CACNA2D1: variants seen among roughly 807,000 people sequenced by gnomAD.
CACNA2D1 encodes voltage-dependent calcium channel subunit alpha-2/delta-1.
A neutral mutation model predicts 171.5 loss-of-function variants in CACNA2D1; 53 were observed. The ratio of observed to expected loss-of-function variants is 0.31; its 90% CI spans 0.25 to 0.39. The LOEUF (loss-of-function observed/expected upper bound fraction) is 0.39, where lower values mean the gene tolerates loss of function less well. Ranked by LOEUF, CACNA2D1 falls within the 10% of genes least tolerant of loss-of-function variation. The probability of loss-of-function intolerance (pLI) is 1.00; values close to 1 mark genes in which losing one functional copy is unlikely to be tolerated. For missense variants in CACNA2D1, 903 were observed against 1,299.8 expected, an observed-to-expected ratio of 0.69 and a Z score of 4.69; for synonymous variants, 442 against 443.1, an observed-to-expected ratio of 1.00 and a Z score of 0.03.
chr7:82,335,033 T>TAAG (rs990549031), intron 3 of CACNA2D1, 102 bp downstream of exon 3: 1 of 803,032 alleles, frequency 1.2e-6, no homozygotes, highest in Non-Finnish European at 2.2e-6. Context: ...ACACAGTTAC[T>TAAG]AAGAAGAAGA....
intron 26 of CACNA2D1, chr7:81,970,962 G>A: frequency 1.9e-6 from 1 of 520,956 alleles, no homozygotes; most frequent in Non-Finnish European, 3.5e-6. Flanking sequence ...TTTGAACATG[G>A]AGTATGAATT....
At chr7:82,314,778 A>G (rs972695437) in intron 3 of CACNA2D1, among the ~76,000 whole-genome samples, 4 of 152,130 alleles carry the variant, frequency 2.6e-5, no homozygotes, top group African/African-American at 9.7e-5. Context: ...ATATTTTAAT[A>G]TGATACAAAA....
At chr7:82,269,018 T>C (rs1489182918) in intron 3 of CACNA2D1, among the ~76,000 whole-genome samples, 3 of 152,190 alleles carry the variant, frequency 2.0e-5, no homozygotes, top group African/African-American at 4.8e-5. Context: ...GCCTCTCTTG[T>C]ATACTCTTTC....
chr7:82,322,921 G>A (rs1816177447), intron 3 of CACNA2D1, among the ~76,000 whole-genome samples: 1 of 152,184 alleles, frequency 6.6e-6, no homozygotes, highest in Non-Finnish European at 1.5e-5. Flanking sequence ...AAGGTTTAGA[G>A]TTTATTTCAT....
At chr7:82,339,934 T>C (rs931569580) in intron 2 of CACNA2D1, among the ~76,000 whole-genome samples, 9 of 152,128 alleles carry the variant, frequency 5.9e-5, no homozygotes, top group African/African-American at 1.7e-4. Flanking sequence ...AGTTAGCCAA[T>C]GGAATCACAA....
chr7:82,421,530 A>G (rs1230117354), intron 1 of CACNA2D1, among the ~76,000 whole-genome samples: 1 of 152,164 alleles, frequency 6.6e-6, no homozygotes, highest in African/African-American at 2.4e-5. Context: ...GATACATAAA[A>G]ACAAGAATTT....
chr7:82,118,228 A>G (rs1165375443), intron 5 of CACNA2D1, among the ~76,000 whole-genome samples: 1 of 152,158 alleles, frequency 6.6e-6, no homozygotes, highest in Non-Finnish European at 1.5e-5. Context: ...ATACTGAATT[A>G]CCTGGTTGCC....
At chr7:82,040,953 C>CA in intron 10 of CACNA2D1, among the ~76,000 whole-genome samples, 1 of 150,616 alleles carries the variant, frequency 6.6e-6, no homozygotes, top group East Asian at 2.0e-4. Context: ...CCAGCCTGGG[C>CA]AACAAGAGCG....
At position 82,419,047 on chromosome 7, in the gene CACNA2D1, T is replaced by A. The variant is rs555608624; in HGVS notation, c.95+24318A>T. ...ATGGCGTGAACCCGAGAGGCGGAGC[T>A]TGCAGTGAGCCGAGCTCGCGCCACT... On this transcript the variant is annotated intron_variant, in intron 1 of 38. Coordinates refer to ENST00000356860, the MANE Select transcript of CACNA2D1 (RefSeq NM_000722.4). Among the ~76,000 whole-genome samples, 10 of 151,794 alleles carry A rather than the reference T, an allele frequency of 6.6e-5. No homozygotes were observed. In the East Asian group the frequency reaches 1.9e-3, roughly 30 times the overall value.
At chr7:82,124,579 C>CA (rs1261802716) in intron 5 of CACNA2D1, among the ~76,000 whole-genome samples, 1 of 152,164 alleles carries the variant, frequency 6.6e-6, no homozygotes, top group Admixed American at 6.5e-5. Flanking sequence ...TTCATTTACA[C>CA]AGAGTGTAAA....
chr7:82,379,439 A>C (rs1823436461), intron 1 of CACNA2D1, among the ~76,000 whole-genome samples: 1 of 152,228 alleles, frequency 6.6e-6, no homozygotes, highest in South Asian at 2.1e-4. Context: ...TAACAAATAC[A>C]AACATATTTC....
chr7:82,066,871 G>A (rs1334894294), intron 7 of CACNA2D1, among the ~76,000 whole-genome samples: 1 of 151,966 alleles, frequency 6.6e-6, no homozygotes, highest in African/African-American at 2.4e-5. Flanking sequence ...AATGAAAATT[G>A]TGCTTTCAAT....
At chr7:82,254,598 T>C (rs1806066909) in intron 3 of CACNA2D1, among the ~76,000 whole-genome samples, 1 of 152,154 alleles carries the variant, frequency 6.6e-6, no homozygotes, top group South Asian at 2.1e-4. Flanking sequence ...AAACTCCTAG[T>C]GGTAGGAGGA....
chr7:82,062,675 T>C (rs574253416), intron 9 of CACNA2D1, among the ~76,000 whole-genome samples: 97 of 151,036 alleles, frequency 6.4e-4, no homozygotes, highest in African/African-American at 2.3e-3. Context: ...CGTATACATG[T>C]GCCATGTTGG....
At chr7:82,399,747 C>T (rs1344665043) in intron 1 of CACNA2D1, among the ~76,000 whole-genome samples, 1 of 119,554 alleles carries the variant, frequency 8.4e-6, no homozygotes, top group Non-Finnish European at 1.6e-5. Context: ...CAATTTTATA[C>T]CTTCCATCCC....
At chr7:82,364,710 CATAGTGTAT>C (rs1821479722) in intron 1 of CACNA2D1, among the ~76,000 whole-genome samples, 1 of 152,102 alleles carries the variant, frequency 6.6e-6, no homozygotes, top group African/African-American at 2.4e-5. Context: ...TAAATTCAAG[CATAGTGTAT>C]ATACTTTCCA....
intron 1 of CACNA2D1, among the ~76,000 whole-genome samples, chr7:82,386,205 A>C (rs75180399): frequency 0.012 from 1,755 of 152,270 alleles, 61 homozygotes; most frequent in East Asian, 0.07. Context: ...TGCATTCAGC[A>C]AGGGGAAAAA....
chr7:82,398,081 T>A (rs1416099832), intron 1 of CACNA2D1, among the ~76,000 whole-genome samples: 1 of 152,152 alleles, frequency 6.6e-6, no homozygotes, highest in African/African-American at 2.4e-5. Context: ...CGTCTGAATA[T>A]CTAAAGATGA....
At chr7:82,428,865 T>C (rs1316354659) in intron 1 of CACNA2D1, among the ~76,000 whole-genome samples, 1 of 152,194 alleles carries the variant, frequency 6.6e-6, no homozygotes, top group Non-Finnish European at 1.5e-5. Context: ...CCATACCAGA[T>C]TGCCTACCTT....
Sources: allele counts gnomAD v4.1 joint callset (sites outside exome capture counted in the v4.1 genomes callset), GRCh38; gene constraint gnomAD v4.1.1; transcripts MANE v1.5; gene names NCBI Gene and HGNC (gene_info 2026-07-23, HGNC 2026-07-21).